The following USP10 variants were observed in gnomAD, a reference collection of about 807,000 sequenced individuals.
The protein encoded by USP10 is ubiquitin specific peptidase 10.
In USP10, 22 loss-of-function variants were observed where a neutral mutation model predicts 84.5. The ratio of observed to expected loss-of-function variants is 0.26; its 90% CI spans 0.19 to 0.37. The LOEUF (loss-of-function observed/expected upper bound fraction) is 0.37, where lower values mean the gene tolerates loss of function less well. USP10 is among the 10% of genes least tolerant of loss of function. The pLI is 1.00. For synonymous variants in USP10, 454 were observed against 387.6 expected (o/e 1.17, Z -2.01); for missense variants, 1,019 against 998.9 (o/e 1.02, Z -0.27).
intron 3 of USP10, among the ~76,000 whole-genome samples, chr16:84,740,986 G>T (rs1472965071): frequency 6.6e-6 from 1 of 152,220 alleles, no homozygotes; most frequent in Non-Finnish European, 1.5e-5. Flanking sequence ...ATTATTGATT[G>T]CAGGCTGCCC....
At chr16:84,700,414 G>A (rs2150745111) in intron 1 of USP10, among the ~76,000 whole-genome samples, 1 of 152,096 alleles carries the variant, frequency 6.6e-6, no homozygotes, top group African/African-American at 2.4e-5. Flanking sequence ...GGACCGCGGG[G>A]CGAGCCCGGG....
In USP10 at chr16:84,778,461, C is replaced by T. The variant is rs998692448; in HGVS notation, c.2210-434C>T. On this transcript the variant is annotated intron_variant, in intron 13 of 13. Coordinates refer to ENST00000219473, the MANE Select transcript of USP10 (RefSeq NM_005153.3). ...TCTTCTAGTGGCTATTGAGGTTTTC[C>T]GTTTTTTCACTGTTATAAATGACAT... Among the ~76,000 whole-genome samples, 8 of 152,102 alleles carry T rather than the reference C, an allele frequency of 5.3e-5. No individual in the cohort carries two copies. In the East Asian group the frequency reaches 7.7e-4, roughly 15 times the overall value.
chr16:84,757,396 GGTGGGGGTGTGT>G (rs546465096), intron 4 of USP10, among the ~76,000 whole-genome samples: 20,365 of 127,332 alleles, frequency 0.16, 1,816 homozygotes, highest in Non-Finnish European at 0.23. Flanking sequence ...GAATGAGAGG[GGTGGGGGTGTGT>G]GTGTGTGTGT....
At chr16:84,741,540 G>T (rs1366276426) in intron 3 of USP10, among the ~76,000 whole-genome samples, 2 of 152,334 alleles carry the variant, frequency 1.3e-5, no homozygotes, top group African/African-American at 4.8e-5. Flanking sequence ...TCCCTGTGCA[G>T]TGGGCACCAC....
intron 13 of USP10, among the ~76,000 whole-genome samples, chr16:84,775,865 C>G (rs760982706): frequency 6.9e-6 from 1 of 144,918 alleles, no homozygotes; most frequent in African/African-American, 2.5e-5. Flanking sequence ...CCCTTTTATC[C>G]TTCTTTCTCT....
rs531659154 is a variant in USP10, at chr16:84,776,740, C to T, written c.2209+1515C>T. 1.7e-4 allele frequency among the ~76,000 whole-genome samples: 26 copies of T among 152,348 alleles called. 1 individual carries two copies. Among genetic ancestry groups the T allele is most frequent in the Middle Eastern group, 6.8e-3 (2 of 294 alleles). ...CAGTGTGAGCACACACACCCCTCCC[C>T]GACTCTGCAACCTGCCTCGCCCCGG... On this transcript the variant is annotated intron_variant, in intron 13 of 13. Coordinates refer to ENST00000219473, the MANE Select transcript of USP10 (RefSeq NM_005153.3).
chr16:84,778,278 T>C (rs1915228520), intron 13 of USP10, among the ~76,000 whole-genome samples: 1 of 152,174 alleles, frequency 6.6e-6, no homozygotes, highest in African/African-American at 2.4e-5. Context: ...CACCGGGAGA[T>C]TGTGTCCCGT....
At chr16:84,763,990 T>C in intron 9 of USP10, 96 bp from the exon 10 acceptor site, 1 of 1,432,642 alleles carries the variant, frequency 7.0e-7, no homozygotes, top group Non-Finnish European at 9.3e-7. Flanking sequence ...CACACCCTGA[T>C]TTCATTTTTA....
intron 4 of USP10, among the ~76,000 whole-genome samples, chr16:84,746,361 A>G (rs1411923815): frequency 6.6e-6 from 1 of 152,250 alleles, no homozygotes; most frequent in Non-Finnish European, 1.5e-5. Flanking sequence ...GTGTTGCTTA[A>G]CTAAGATGGA....
intron 1 of USP10, among the ~76,000 whole-genome samples, chr16:84,719,263 G>A (rs984939015): frequency 6.6e-6 from 1 of 152,010 alleles, no homozygotes; most frequent in African/African-American, 2.4e-5. Flanking sequence ...TTTTAACTGG[G>A]AGGCATAACT....
intron 3 of USP10, among the ~76,000 whole-genome samples, 190 bp from the exon 4 acceptor site, chr16:84,744,443 C>G (rs3751760): frequency 0.31 from 47,644 of 152,058 alleles, 8,334 homozygotes; most frequent in Non-Finnish European, 0.41. Context: ...CTTTTCATAT[C>G]CCCAAATTAA....
At chr16:84,754,049 G>A (rs1247365363) in intron 4 of USP10, among the ~76,000 whole-genome samples, 1 of 152,130 alleles carries the variant, frequency 6.6e-6, no homozygotes, top group Non-Finnish European at 1.5e-5. Context: ...ACCTTAGATG[G>A]TGCGGACTTT....
intron 1 of USP10, among the ~76,000 whole-genome samples, chr16:84,720,256 G>C (rs1413284586): frequency 6.6e-6 from 1 of 152,162 alleles, no homozygotes; most frequent in Non-Finnish European, 1.5e-5. Flanking sequence ...CCTTCCTGGC[G>C]GGTGGCCTCC....
chr16:84,758,351 A>C (rs1438305075), intron 4 of USP10, among the ~76,000 whole-genome samples: 1 of 152,138 alleles, frequency 6.6e-6, no homozygotes, highest in East Asian at 1.9e-4. Flanking sequence ...CTGATGAGAC[A>C]CACCTGGCTA....
At chr16:84,741,817 C>T (rs1351544974) in intron 3 of USP10, among the ~76,000 whole-genome samples, 1 of 152,200 alleles carries the variant, frequency 6.6e-6, no homozygotes, top group Non-Finnish European at 1.5e-5. Flanking sequence ...TGTACAGAGC[C>T]TGTGGGCACT....
In USP10 at chr16:84,701,033, T is replaced by G. The variant is rs558974369; in HGVS notation, c.21+922T>G. Among the ~76,000 whole-genome samples, 3 of 152,332 alleles carry G rather than the reference T, an allele frequency of 2.0e-5. No individual in the cohort carries two copies. The East Asian group carries it at 5.8e-4, about 29-fold the overall frequency. Reference sequence around the variant, plus strand: ...GTCCCTATAAATTGTTGCACACTTTTAAACCATCTCATTGTGTATTTGTAT... The same window carrying G: ...GTCCCTATAAATTGTTGCACACTTTGAAACCATCTCATTGTGTATTTGTAT... On this transcript the variant is annotated intron_variant, in intron 1 of 13. Coordinates refer to ENST00000219473, the MANE Select transcript of USP10 (RefSeq NM_005153.3).
intron 12 of USP10, among the ~76,000 whole-genome samples, chr16:84,773,151 G>A (rs1485140246): frequency 6.6e-6 from 1 of 152,186 alleles, no homozygotes; most frequent in Non-Finnish European, 1.5e-5. Flanking sequence ...TCTCTGTCAG[G>A]TCACGGGCTC....
intron 13 of USP10, among the ~76,000 whole-genome samples, chr16:84,776,139 T>C (rs532893536): frequency 6.6e-6 from 1 of 152,334 alleles, no homozygotes; most frequent in East Asian, 1.9e-4. Context: ...GTGGGATCCC[T>C]GTTTTATAAA....
In USP10 at chr16:84,764,363, C is replaced by T. The variant is rs919020092; in HGVS notation, c.1832+100C>T. The T allele has an allele frequency of 2.9e-5, 43 of 1,492,252 alleles. No individual in the cohort carries two copies. The Admixed American group carries it at 5.1e-4, about 18-fold the overall frequency. 92.4% of individuals were successfully genotyped at this position (1,492,252 alleles called of 1,614,324 possible). A position where few individuals can be genotyped will look rare whatever the true frequency, so the allele number is the denominator to read the frequency against. ...GAGGCTTGTTTTGAGACTTCTTGGA[C>T]GTAATGGTTTGCATCTTGCTCCCCT... On this transcript the variant is annotated intron_variant, in intron 10 of 13. Coordinates refer to ENST00000219473, the MANE Select transcript of USP10 (RefSeq NM_005153.3).
Sources: gnomAD v4.1 joint callset for allele counts (sites outside exome capture counted in the v4.1 genomes callset) on GRCh38, gnomAD v4.1.1 for gene constraint, MANE v1.5 for transcripts, NCBI Gene and HGNC (gene_info 2026-07-23, HGNC 2026-07-21) for gene names.